Variants in INPP4A observed in about 807,000 individuals in gnomAD.
The protein encoded by INPP4A is inositol polyphosphate-4-phosphatase type I A.
INPP4A carries 33 observed loss-of-function variants against 119.8 expected under a neutral mutation model. The ratio of observed to expected loss-of-function variants is 0.28; its 90% CI spans 0.21 to 0.37. The LOEUF (loss-of-function observed/expected upper bound fraction) is 0.37. Ranked by LOEUF, INPP4A falls within the 10% of genes least tolerant of loss-of-function variation. The probability of loss-of-function intolerance (pLI) is 1.00; values close to 1 mark genes in which losing one functional copy is unlikely to be tolerated. For missense variants in INPP4A, 956 were observed against 1,289.9 expected (o/e 0.74, Z 3.97); for synonymous variants, 496 against 500.7 (o/e 0.99, Z 0.12).
chr2:98,500,146 G>C (rs183245452), intron 1 of INPP4A, among the ~76,000 whole-genome samples: 1 of 152,144 alleles, frequency 6.6e-6, no homozygotes, highest in African/African-American at 2.4e-5. Context: ...AAGGCCTAGT[G>C]TCATTTAACT....
At chr2:98,517,290 C>G (rs1410861290) in intron 1 of INPP4A, among the ~76,000 whole-genome samples, 1 of 152,196 alleles carries the variant, frequency 6.6e-6, no homozygotes, top group Non-Finnish European at 1.5e-5. Context: ...TCTCAGGTAT[C>G]TTGCTACTGT....
Position 98,593,104 on chromosome 2 carries a change from C to T in INPP4A, c.*5496C>T, listed in dbSNP as rs1700475429. The T allele has an allele frequency of 6.6e-6, 1 of 152,298 alleles. No homozygotes were observed. Among genetic ancestry groups the T allele is most frequent in the Non-Finnish European group, 1.5e-5 (1 of 68,090 alleles). 9.4% of individuals were successfully genotyped at this position (152,298 alleles called of 1,614,324 possible). On this transcript the variant is annotated 3_prime_UTR_variant, in exon 25 of 25. Transcript: ENST00000409851. ...TTCCCAGGGTGTAGCCTGAAAACACCCATACTCTAGATTCCCTCCACTGGA... is the reference window on the plus strand; with the variant it reads ...TTCCCAGGGTGTAGCCTGAAAACACTCATACTCTAGATTCCCTCCACTGGA...
At chr2:98,536,336 C>G in intron 7 of INPP4A, 128 bp downstream of exon 7, 1 of 656,836 alleles carries the variant, frequency 1.5e-6, no homozygotes, top group Admixed American at 2.4e-5. Context: ...AGCGTGGGGA[C>G]ACTGTGTTGT....
chr2:98,519,866 G>C (rs1000058408), intron 2 of INPP4A, 80 bp from the exon 3 acceptor site: 1 of 598,092 alleles, frequency 1.7e-6, no homozygotes, highest in Non-Finnish European at 3.1e-6. Flanking sequence ...GCCCCCGGTA[G>C]GTCACGTTCT....
chr2:98,480,081 C>T (rs1678096091), intron 1 of INPP4A, among the ~76,000 whole-genome samples: 1 of 152,252 alleles, frequency 6.6e-6, no homozygotes, highest in East Asian at 1.9e-4. Context: ...GCCAGCACCT[C>T]CTCTGCTGCC....
intron 1 of INPP4A, among the ~76,000 whole-genome samples, chr2:98,457,118 T>C (rs1211051106): frequency 6.6e-6 from 1 of 152,212 alleles, no homozygotes; most frequent in Non-Finnish European, 1.5e-5. Context: ...GCCTTTCTCA[T>C]TGGGGATTTG....
chr2:98,538,854 TCA>T (rs1690836717), intron 8 of INPP4A, 35 bp from the exon 9 acceptor site: 2 of 1,236,636 alleles, frequency 1.6e-6, no homozygotes, highest in African/African-American at 3.0e-5. Flanking sequence ...CATCTGAATC[TCA>T]CAGTTTTCTT....
chr2:98,521,465 C>G (rs893596902), intron 4 of INPP4A: 4 of 152,284 alleles, frequency 2.6e-5, no homozygotes, highest in Admixed American at 1.3e-4. Flanking sequence ...CCAGCCCTGA[C>G]CATGCCAGGC....
chr2:98,501,063 T>C (rs9308809), intron 1 of INPP4A, among the ~76,000 whole-genome samples: 146,796 of 152,344 alleles, frequency 0.96, 70,804 homozygotes, highest in East Asian at 1. Context: ...ATCCCAGCAC[T>C]GGGATATTTT....
At chr2:98,541,792 C>G (rs778669154) in intron 10 of INPP4A, among the ~76,000 whole-genome samples, 3 of 152,204 alleles carry the variant, frequency 2.0e-5, no homozygotes, top group Non-Finnish European at 4.4e-5. Flanking sequence ...GCTGTGTTGC[C>G]TAGGCTGGTC....
chr2:98,466,875 A>T (rs1215432440), intron 1 of INPP4A, among the ~76,000 whole-genome samples: 1 of 152,222 alleles, frequency 6.6e-6, no homozygotes, highest in African/African-American at 2.4e-5. Context: ...CGAGTTTCTT[A>T]GAGTAGCCGG....
In INPP4A at chr2:98,554,190, A is replaced by C. The variant is rs1003242559; in HGVS notation, c.1348-81A>C. On this transcript the variant is annotated intron_variant, in intron 14 of 24. Transcript: ENST00000409851. This position sits in a 1 kb window ranked among gnomAD's most constrained non-coding sequence, Gnocchi z 4.7. The stretch of plus-strand genomic sequence containing the variant: ...GGGTGCAGTGCTGGGCTTTAAGCCC[A>C]TTCTCCATTTCTGAGATAAGGCAGG... 17 of 1,094,644 alleles carry C rather than the reference A, an allele frequency of 1.6e-5. No individual in the cohort carries two copies. Among genetic ancestry groups the C allele is most frequent in the Admixed American group, 2.3e-5 (1 of 44,064 alleles). 67.8% of individuals were successfully genotyped at this position (1,094,644 alleles called of 1,614,324 possible).
At position 98,589,195 on chromosome 2, in the gene INPP4A, C is replaced by T. The variant is rs910621314; in HGVS notation, c.*1587C>T. On this transcript the variant is annotated 3_prime_UTR_variant, in exon 25 of 25. Coordinates refer to ENST00000409851, the MANE Select transcript of INPP4A (RefSeq NM_001134225.2). ...TCTGCTGCTCCCTCAAAGCTGAGTT[C>T]ACTGTGGCAGGCAGGAAGCAGAGAA... 14 of 179,472 alleles carry T rather than the reference C, an allele frequency of 7.8e-5. No homozygotes were observed. The highest frequency in any genetic ancestry group is 1.6e-4 in the Non-Finnish European group (13 of 83,798). The allele number at this position is 179,472 out of a possible 1,614,324, so 11.1% of individuals were successfully genotyped here.
At chr2:98,485,934 CTTCTT>C (rs1399873425) in intron 1 of INPP4A, among the ~76,000 whole-genome samples, 1 of 152,170 alleles carries the variant, frequency 6.6e-6, no homozygotes, top group Non-Finnish European at 1.5e-5. Context: ...TCCAGACACT[CTTCTT>C]TACTGCTTGT....
intron 13 of INPP4A, among the ~76,000 whole-genome samples, chr2:98,550,207 C>T (rs550768031): frequency 1.3e-5 from 2 of 152,130 alleles, no homozygotes; most frequent in Non-Finnish European, 2.9e-5. Flanking sequence ...CGTCTCCCCC[C>T]TGCTCCCCAT....
intron 1 of INPP4A, among the ~76,000 whole-genome samples, chr2:98,488,188 G>A (rs1679937735): frequency 6.6e-6 from 1 of 152,108 alleles, no homozygotes; most frequent in Non-Finnish European, 1.5e-5. Flanking sequence ...TATTGGCACT[G>A]CAAGATACTC....
chr2:98,575,375 T>G (rs894254599), intron 23 of INPP4A, among the ~76,000 whole-genome samples: 3 of 151,984 alleles, frequency 2.0e-5, no homozygotes, highest in Non-Finnish European at 4.4e-5. Flanking sequence ...AAACCTATAG[T>G]TCCAGCTTCC....
chr2:98,567,103 A>T (rs1696602158), intron 21 of INPP4A, among the ~76,000 whole-genome samples: 1 of 152,090 alleles, frequency 6.6e-6, no homozygotes, highest in Non-Finnish European at 1.5e-5. Context: ...TCAGATTTAC[A>T]TTTAAAGTAG....
Position 98,572,876 on chromosome 2 carries a change from C to T in INPP4A, c.2580C>T (p.Asn860=), listed in dbSNP as rs752527500. ...AGCTGCTGCGGTTTCTGGGTCAGAA[C>T]GTGCATGCCCGGAAGAATAAGAACG... ...LPELLRFLGQ[N]VHARKNKNVD... is the part of the protein sequence containing the mutation. The change falls in exon 23 of 25, where the codon AAC becomes AAT. Residue 860 remains asparagine (N), a synonymous_variant. Transcript: ENST00000409851. 13 of 1,580,208 alleles carry T rather than the reference C, an allele frequency of 8.2e-6. No individual in the cohort carries two copies. Among genetic ancestry groups the T allele is most frequent in the Middle Eastern group, 1.7e-4 (1 of 6,044 alleles).
Sources: allele counts gnomAD v4.1 joint callset (sites outside exome capture counted in the v4.1 genomes callset), GRCh38; gene constraint gnomAD v4.1.1; non-coding constraint Gnocchi (gnomAD v3.1); transcripts MANE v1.5; gene names NCBI Gene and HGNC (gene_info 2026-07-23, HGNC 2026-07-21).